The following APAF1 variants were observed in gnomAD, a reference collection of about 807,000 sequenced individuals.
APAF1 encodes the protein apoptotic protease-activating factor 1.
APAF1 carries 91 observed loss-of-function variants against 152.4 expected under a neutral mutation model. That is an observed-to-expected ratio of 0.60 (90% CI 0.50 to 0.71). APAF1 has a LOEUF of 0.71. APAF1 is among the 30% of genes least tolerant of loss of function. The pLI is 0.00. For missense variants in APAF1, 1,283 were observed against 1,472.0 expected, an observed-to-expected ratio of 0.87 and a Z score of 2.10; for synonymous variants, 484 against 494.1, an observed-to-expected ratio of 0.98 and a Z score of 0.27.
chr12:98,677,344 C>A, intron 12 of APAF1, 81 bp from the exon 13 acceptor site: 2 of 1,421,676 alleles, frequency 1.4e-6, no homozygotes, highest in Non-Finnish European at 2.0e-6. Flanking sequence ...TGTTAAAAGA[C>A]AGTTTATTTT....
chr12:98,665,403 T>C (rs2097671412), intron 7 of APAF1, 150 bp from the exon 8 acceptor site: 1 of 676,048 alleles, frequency 1.5e-6, no homozygotes, highest in African/African-American at 1.8e-5. Context: ...GGGATAAATA[T>C]CTAGAAGTGA....
At chr12:98,676,650 G>GTT (rs34774971) in intron 12 of APAF1, among the ~76,000 whole-genome samples, 631 of 145,680 alleles carry the variant, frequency 4.3e-3, no homozygotes, top group Middle Eastern at 0.014. Flanking sequence ...GAGAGAAGCA[G>GTT]TTTTTTTTTT....
intron 23 of APAF1, 21 bp from the exon 24 acceptor site, chr12:98,723,616 AGT>A: frequency 7.0e-7 from 1 of 1,431,222 alleles, no homozygotes; most frequent in Non-Finnish European, 9.7e-7. Flanking sequence ...TCAACCTCCA[AGT>A]GTTTTTTTTT....
chr12:98,685,134 C>T (rs1435083919), intron 15 of APAF1, among the ~76,000 whole-genome samples: 1 of 152,288 alleles, frequency 6.6e-6, no homozygotes, highest in South Asian at 2.1e-4. Context: ...CCAAAACTAA[C>T]ATTTAGCAAT....
intron 5 of APAF1, among the ~76,000 whole-genome samples, chr12:98,660,540 T>A (rs77609568): frequency 0.017 from 2,581 of 152,314 alleles, 73 homozygotes; most frequent in African/African-American, 0.058. Context: ...ATCAAGTGTT[T>A]CACAGTTTTC....
intron 16 of APAF1, among the ~76,000 whole-genome samples, chr12:98,697,874 G>GT (rs2097711494): frequency 6.6e-6 from 1 of 152,182 alleles, no homozygotes; most frequent in African/African-American, 2.4e-5. Context: ...ATTTTGTAGG[G>GT]TATCATGTTG....
At chr12:98,649,107 A>G (rs2097645870) in intron 3 of APAF1, 2 of 550,836 alleles carry the variant, frequency 3.6e-6, no homozygotes, top group Non-Finnish European at 4.6e-6. Context: ...CTATGTGTTT[A>G]TAGAGTTTAT....
intron 13 of APAF1, among the ~76,000 whole-genome samples, chr12:98,679,081 C>G (rs12582317): frequency 0.11 from 16,824 of 152,250 alleles, 978 homozygotes; most frequent in East Asian, 0.23. Flanking sequence ...ACTGAATGGA[C>G]TGGAGTGGGA....
chr12:98,725,326 G>A, intron 24 of APAF1, 89 bp from the exon 25 acceptor site: 3 of 1,521,750 alleles, frequency 2.0e-6, no homozygotes, highest in Non-Finnish European at 1.8e-6. Flanking sequence ...GAATGTCCAT[G>A]TGATTGAATT....
chr12:98,660,242 A>G (rs923327145), intron 5 of APAF1, among the ~76,000 whole-genome samples: 25 of 152,082 alleles, frequency 1.6e-4, no homozygotes, highest in South Asian at 1.0e-3. Context: ...GCTACTCAGG[A>G]GGCTAAGGTG....
rs1196625693 is a variant in APAF1, at chr12:98,671,616, G to A, written c.1690G>A (p.Val564Ile). The A allele has an allele frequency of 6.2e-7, 1 of 1,613,884 alleles. No individual in the cohort carries two copies. The highest frequency in any genetic ancestry group is 2.2e-5 in the East Asian group (1 of 44,862). ...TGGACGACAGCCATTTCCTAATATT[G>A]TACAACTGGGTCTCTGTGAGCCGGA... ...LLGRQPFPNIVQLGLCEPETS... is the reference protein window; with the variant it reads ...LLGRQPFPNIIQLGLCEPETS... Residue 564 changes from valine to isoleucine, a missense_variant, in exon 12 of 27, where the codon GTA becomes ATA. By Grantham distance (29) the Val-to-Ile change is conservative (BLOSUM62 3). Transcript: ENST00000551964.
chr12:98,671,363 TA>T (rs1289779542), intron 11 of APAF1, among the ~76,000 whole-genome samples, 171 bp from the exon 12 acceptor site: 2 of 152,168 alleles, frequency 1.3e-5, no homozygotes, highest in African/African-American at 4.8e-5. Context: ...ACCCTATGTT[TA>T]AAAGTCAGAA....
intron 22 of APAF1, among the ~76,000 whole-genome samples, chr12:98,721,266 T>A (rs1000809299): frequency 1.3e-5 from 2 of 152,170 alleles, no homozygotes; most frequent in African/African-American, 4.8e-5. Flanking sequence ...CTGCCCTCAG[T>A]GGTTGTCAAA....
intron 16 of APAF1, among the ~76,000 whole-genome samples, chr12:98,689,560 A>G (rs1442264579): frequency 6.6e-6 from 1 of 151,916 alleles, no homozygotes; most frequent in East Asian, 1.9e-4. Context: ...GGCTAACTAA[A>G]GTGATCCTCC....
chr12:98,666,622 T>C (rs2097673099), intron 9 of APAF1, among the ~76,000 whole-genome samples: 3 of 152,314 alleles, frequency 2.0e-5, no homozygotes, highest in South Asian at 4.1e-4. Flanking sequence ...CTTGTTTCCC[T>C]ACTTGTCATT....
chr12:98,660,359 AAGTC>A (rs1046157508), intron 5 of APAF1, among the ~76,000 whole-genome samples: 3 of 151,988 alleles, frequency 2.0e-5, no homozygotes, highest in African/African-American at 4.8e-5. Context: ...TAAAAAAAAA[AAGTC>A]AGGAAGGATT....
chr12:98,680,204 A>C (rs767537079), intron 13 of APAF1, 73 bp from the exon 14 acceptor site: 25 of 1,465,048 alleles, frequency 1.7e-5, no homozygotes, highest in Non-Finnish European at 2.0e-5. Flanking sequence ...AAACTCACTT[A>C]AAGATTTTTA....
intron 7 of APAF1, among the ~76,000 whole-genome samples, chr12:98,665,274 ATATATTTTT>A (rs1184535354): frequency 6.5e-5 from 7 of 107,514 alleles, no homozygotes; most frequent in Non-Finnish European, 9.7e-5. Flanking sequence ...ATATATATAT[ATATATTTTT>A]TTTTTTTTTT....
Position 98,665,759 on chromosome 12 carries a change from A to G in APAF1, c.1162A>G (p.Ile388Val). The G allele has an allele frequency of 6.8e-6, 11 of 1,613,888 alleles. No homozygotes were observed. Among genetic ancestry groups the G allele is most frequent in the South Asian group, 1.1e-5 (1 of 91,080 alleles). ...DIKDYYTDLS[I>V]LQKDVKVPTK... ...CAAAGATTATTACACAGATCTTTCC[A>G]TCCTTCAGAAGGACGTTAAGGTGCC... Residue 388 changes from isoleucine to valine, a missense_variant, in exon 8 of 27, where the codon ATC becomes GTC. Coordinates refer to ENST00000551964, the MANE Select transcript of APAF1 (RefSeq NM_181861.2).
Sources: gnomAD v4.1 joint callset for allele counts (sites outside exome capture counted in the v4.1 genomes callset) on GRCh38, gnomAD v4.1.1 for gene constraint, MANE v1.5 for transcripts, NCBI Gene and HGNC (gene_info 2026-07-23, HGNC 2026-07-21) for gene names.